BEND6: variants seen among roughly 807,000 people sequenced by gnomAD.
The protein encoded by BEND6 is BEN domain containing 6.
A neutral mutation model predicts 31.8 loss-of-function variants in BEND6; 24 were observed. The ratio of observed to expected loss-of-function variants is 0.75; its 90% CI spans 0.55 to 1.06. BEND6 has a LOEUF of 1.06. BEND6 is among the 50% of genes least tolerant of loss of function. The pLI, the probability that BEND6 is intolerant of heterozygous loss-of-function variation, is 0.00. For synonymous variants in BEND6, 109 were observed against 114.6 expected (o/e 0.95, Z 0.31); for missense variants, 294 against 327.4 (o/e 0.90, Z 0.79).
At chr6:56,960,828 G>C (rs9475758) in intron 1 of BEND6, among the ~76,000 whole-genome samples, 32,658 of 152,082 alleles carry the variant, frequency 0.21, 3,650 homozygotes, top group Middle Eastern at 0.23. Flanking sequence ...AATCTAGGAA[G>C]AGAAAGAAAA....
intron 2 of BEND6, among the ~76,000 whole-genome samples, chr6:56,988,579 A>G (rs1826374415): frequency 6.6e-6 from 1 of 152,202 alleles, no homozygotes; most frequent in Admixed American, 6.5e-5. Flanking sequence ...TTTTACTTAA[A>G]AAATACAATG....
chr6:57,020,157 A>G lies in BEND6; in HGVS notation c.*9+1600A>G, dbSNP rs1441125285. 2.0e-5 allele frequency among the ~76,000 whole-genome samples: 3 copies of G among 152,216 alleles called. No individual in the cohort carries two copies. The East Asian group carries it at 5.8e-4, about 29-fold the overall frequency. ...TCTCCAAGTGATTATAAATTTCAGT[A>G]GATTGTGACCTCACAACTTTTCAAT... On this transcript the variant is annotated intron_variant, in intron 6 of 6. Transcript: ENST00000370746.
intron 3 of BEND6, among the ~76,000 whole-genome samples, chr6:56,999,860 T>C (rs1471993442): frequency 6.6e-6 from 1 of 152,190 alleles, no homozygotes; most frequent in Non-Finnish European, 1.5e-5. Flanking sequence ...CAGAAGTGCA[T>C]AGACCTGGCC....
At chr6:56,970,826 G>A (rs1329237097) in intron 1 of BEND6, among the ~76,000 whole-genome samples, 1 of 152,120 alleles carries the variant, frequency 6.6e-6, no homozygotes, top group Non-Finnish European at 1.5e-5. Context: ...TGAATTGTGT[G>A]TTTGTGAAGA....
intron 1 of BEND6, among the ~76,000 whole-genome samples, chr6:56,963,054 T>C (rs1288565227): frequency 1.3e-5 from 2 of 152,226 alleles, no homozygotes; most frequent in Non-Finnish European, 2.9e-5. Context: ...TGTAAGGAAT[T>C]GCCTAAAGAC....
chr6:56,960,696 GA>G, intron 1 of BEND6, among the ~76,000 whole-genome samples: 1 of 152,182 alleles, frequency 6.6e-6, no homozygotes, highest in Admixed American at 6.5e-5. Flanking sequence ...TAGGAGAGCA[GA>G]AGTACTAAAT....
chr6:56,997,326 C>T (rs985690519), intron 3 of BEND6, among the ~76,000 whole-genome samples: 2 of 152,176 alleles, frequency 1.3e-5, no homozygotes, highest in Non-Finnish European at 2.9e-5. Flanking sequence ...TTTCTTCTCC[C>T]AGTTTTTATT....
At chr6:56,966,649 C>T (rs1825490797) in intron 1 of BEND6, among the ~76,000 whole-genome samples, 1 of 152,126 alleles carries the variant, frequency 6.6e-6, no homozygotes, top group Non-Finnish European at 1.5e-5. Flanking sequence ...TCCACTTTTC[C>T]CAGCCTCTTA....
chr6:56,971,699 T>G (rs1264878045), intron 1 of BEND6, among the ~76,000 whole-genome samples: 1 of 152,198 alleles, frequency 6.6e-6, no homozygotes, highest in Non-Finnish European at 1.5e-5. Flanking sequence ...GTAGTTTTGA[T>G]TTGCATTTCC....
intron 1 of BEND6, among the ~76,000 whole-genome samples, chr6:56,980,241 T>G (rs1240598975): frequency 6.6e-6 from 1 of 152,166 alleles, no homozygotes; most frequent in African/African-American, 2.4e-5. Flanking sequence ...TGGGCTGGAG[T>G]GCAGTGGCAT....
At chr6:56,957,121 G>A (rs375661798) in intron 1 of BEND6, among the ~76,000 whole-genome samples, 2 of 152,174 alleles carry the variant, frequency 1.3e-5, no homozygotes, top group African/African-American at 4.8e-5. Flanking sequence ...ACAACAAAAA[G>A]CAACTAAATA....
intron 4 of BEND6, among the ~76,000 whole-genome samples, chr6:57,016,350 A>G (rs1485912582): frequency 6.6e-6 from 1 of 152,186 alleles, no homozygotes; most frequent in African/African-American, 2.4e-5. Flanking sequence ...ATTTCAAATG[A>G]CCCAAATTTA....
At chr6:56,993,793 G>A (rs2127864947) in intron 3 of BEND6, among the ~76,000 whole-genome samples, 1 of 152,242 alleles carries the variant, frequency 6.6e-6, no homozygotes, top group African/African-American at 2.4e-5. Flanking sequence ...AAACTCCTAA[G>A]CCTAAGCAAC....
intron 1 of BEND6, among the ~76,000 whole-genome samples, chr6:56,976,983 A>G (rs1439209128): frequency 2.6e-5 from 4 of 152,230 alleles, no homozygotes; most frequent in African/African-American, 9.6e-5. Context: ...GCAGTCAGAA[A>G]AATTAGGAAA....
intron 1 of BEND6, among the ~76,000 whole-genome samples, chr6:56,981,271 A>T (rs1001286923): frequency 3.3e-5 from 5 of 152,172 alleles, no homozygotes; most frequent in African/African-American, 9.7e-5. Context: ...GGGAAAAAAA[A>T]CCTTTTAAGA....
In BEND6 at chr6:57,017,224, G is replaced by T. The variant is rs1293891720; in HGVS notation, c.537G>T (p.Trp179Cys). The change falls in exon 5 of 7, where the codon TGG becomes TGT. Residue 179 changes from tryptophan (W) to cysteine (C), a missense_variant. Coordinates refer to ENST00000370746, the MANE Select transcript of BEND6 (RefSeq NM_152731.3). ...TDEKQFQIEK[W>C]QIARCNKSKP... is the part of the protein sequence containing the mutation. The stretch of plus-strand genomic sequence containing the variant: ...CTTTTTAGTTCCAGATTGAAAAATG[G>T]CAGATTGCCCGTTGTAACAAGAGCA... 1.9e-6 allele frequency: 3 copies of T among 1,568,040 alleles called. No individual in the cohort carries two copies. Among genetic ancestry groups the T allele is most frequent in the African/African-American group, 2.8e-5 (2 of 71,622 alleles).
At chr6:57,003,134 A>G (rs925382300) in intron 3 of BEND6, among the ~76,000 whole-genome samples, 1 of 151,954 alleles carries the variant, frequency 6.6e-6, no homozygotes, top group Non-Finnish European at 1.5e-5. Flanking sequence ...AGAAACACAC[A>G]CTCTCCTAAG....
intron 3 of BEND6, 106 bp from the exon 4 acceptor site, chr6:57,015,025 TAA>T (rs1491150589): frequency 2.7e-5 from 21 of 785,968 alleles, no homozygotes; most frequent in Middle Eastern, 2.4e-4. Context: ...TAGCAAATGT[TAA>T]GTTTGTTCTG....
At chr6:57,015,011 A>G in intron 3 of BEND6, 122 bp from the exon 4 acceptor site, 1 of 707,456 alleles carries the variant, frequency 1.4e-6, no homozygotes, top group East Asian at 2.9e-5. Context: ...TTATTTTCCA[A>G]AGATAGCAAA....
Sources: gnomAD v4.1 joint callset for allele counts (sites outside exome capture counted in the v4.1 genomes callset) on GRCh38, gnomAD v4.1.1 for gene constraint, MANE v1.5 for transcripts, NCBI Gene and HGNC (gene_info 2026-07-23, HGNC 2026-07-21) for gene names.